NWD2: variants seen among roughly 807,000 people sequenced by gnomAD.
NWD2 encodes the protein NACHT and WD repeat domain-containing protein 2.
NWD2 carries 37 observed loss-of-function variants against 132.7 expected under a neutral mutation model. The ratio of observed to expected loss-of-function variants is 0.28; its 90% confidence interval spans 0.21 to 0.37. The LOEUF (loss-of-function observed/expected upper bound fraction) is 0.37. NWD2 is among the 10% of genes least tolerant of loss of function. NWD2 has a pLI of 1.00. For missense variants in NWD2, 1,592 were observed against 2,122.4 expected (o/e 0.75, Z 4.91); for synonymous variants, 705 against 803.0 (o/e 0.88, Z 2.06).
Position 37,297,353 on chromosome 4 carries a change from AT to A in NWD2, c.152-28577del, listed in dbSNP as rs1482312196. ...GTATTATTTGTATTATTTTTATTGT[AT>A]TTTTTCCCAAATATTTTCTATCTGT... On this transcript the variant is annotated intron_variant, in intron 1 of 6. Coordinates refer to ENST00000309447, the MANE Select transcript of NWD2 (RefSeq NM_001144990.2). Among the ~76,000 whole-genome samples, 4 of 152,116 alleles carry A rather than the reference AT, an allele frequency of 2.6e-5. No individual in the cohort carries two copies. In the East Asian group the frequency reaches 5.8e-4, roughly 22 times the overall value.
At chr4:37,364,069 C>T (rs948361854) in intron 3 of NWD2, among the ~76,000 whole-genome samples, 21 of 152,002 alleles carry the variant, frequency 1.4e-4, no homozygotes, top group African/African-American at 4.4e-4. Flanking sequence ...ATCCAGGAGG[C>T]GGAGGTTGCA....
intron 1 of NWD2, among the ~76,000 whole-genome samples, chr4:37,297,511 C>T (rs959457188): frequency 1.3e-5 from 2 of 152,060 alleles, no homozygotes; most frequent in Admixed American, 6.6e-5. Context: ...TATGTTCTTA[C>T]ATAAGTAAAA....
intron 3 of NWD2, among the ~76,000 whole-genome samples, chr4:37,381,662 A>G (rs566748716): frequency 1.3e-5 from 2 of 152,338 alleles, no homozygotes; most frequent in East Asian, 3.9e-4. Context: ...TCTAAAGTCA[A>G]TCTGTATTCT....
intron 2 of NWD2, among the ~76,000 whole-genome samples, chr4:37,346,343 G>A (rs78012521): frequency 0.011 from 1,737 of 152,166 alleles, 34 homozygotes; most frequent in African/African-American, 0.038. Flanking sequence ...ATTTATTTCT[G>A]GATTCTCTAT....
chr4:37,369,882 T>A (rs1404337080), intron 3 of NWD2, among the ~76,000 whole-genome samples: 1 of 152,176 alleles, frequency 6.6e-6, no homozygotes, highest in East Asian at 1.9e-4. Flanking sequence ...AGTTTGGAAA[T>A]ATGCACAGAT....
At chr4:37,414,273 A>G (rs1411484860) in intron 3 of NWD2, among the ~76,000 whole-genome samples, 2 of 152,154 alleles carry the variant, frequency 1.3e-5, no homozygotes, top group Admixed American at 6.5e-5. Flanking sequence ...AAATGTTGAT[A>G]GTTGGTAAAG....
chr4:37,287,388 C>T (rs1392281428), intron 1 of NWD2, among the ~76,000 whole-genome samples: 1 of 152,218 alleles, frequency 6.6e-6, no homozygotes, highest in African/African-American at 2.4e-5. Context: ...GCCTAACATA[C>T]TAAGCAACCT....
In NWD2 at chr4:37,309,377, G is replaced by C. The variant is rs957406139; in HGVS notation, c.152-16559G>C. 3.9e-5 allele frequency among the ~76,000 whole-genome samples: 6 copies of C among 152,028 alleles called. No homozygotes were observed. The South Asian group carries it at 1.2e-3, about 32-fold the overall frequency. ...GATATACTAGATCACCTGTTCCCTT[G>C]GGTACAGGCCACTGCATTGCCTCAG... On this transcript the variant is annotated intron_variant, in intron 1 of 6. Transcript: ENST00000309447.
intron 3 of NWD2, among the ~76,000 whole-genome samples, chr4:37,375,705 A>G (rs1167993337): frequency 4.0e-5 from 6 of 151,708 alleles, no homozygotes; most frequent in Admixed American, 3.9e-4. Context: ...AGTAGTTAGG[A>G]CTACAGGTCC....
intron 1 of NWD2, among the ~76,000 whole-genome samples, chr4:37,323,546 G>A (rs749837976): frequency 3.3e-5 from 5 of 152,044 alleles, no homozygotes; most frequent in African/African-American, 4.8e-5. Flanking sequence ...AACAACAGGC[G>A]CTGGCAAGGC....
chr4:37,446,277 A>G lies in NWD2; in HGVS notation c.4289A>G (p.His1430Arg). ...AGGGTTTGGAGGCTCGCCACAGGCCACAGGGTCTGCAACATTCTGACCACT... is the reference window on the plus strand; with the variant it reads ...AGGGTTTGGAGGCTCGCCACAGGCCGCAGGGTCTGCAACATTCTGACCACT... ...ASRVWRLATG[H>R]RVCNILTTLQ... is the part of the protein sequence containing the mutation. Residue 1430 changes from histidine to arginine, a missense_variant, in exon 7 of 7, where the codon CAC becomes CGC. By Grantham distance (29) the His-to-Arg change is conservative (BLOSUM62 0). This residue lies in a region of NWD2 where 24 missense variants were observed against 65.2 expected (regional missense o/e 0.37). Transcript: ENST00000309447. This position sits in a 1 kb window ranked among gnomAD's most constrained non-coding sequence, Gnocchi z 6.7. The G allele has an allele frequency of 6.4e-7, 1 of 1,551,738 alleles. No individual in the cohort carries two copies. The highest frequency in any genetic ancestry group is 1.2e-5 in the South Asian group (1 of 84,062).
chr4:37,253,470 A>T (rs17603467), intron 1 of NWD2, among the ~76,000 whole-genome samples: 1,697 of 152,250 alleles, frequency 0.011, 21 homozygotes, highest in East Asian at 0.079. Context: ...GTCCCAAGGG[A>T]TAGAAGTGAG....
intron 1 of NWD2, among the ~76,000 whole-genome samples, chr4:37,248,122 A>T (rs1173749688): frequency 6.6e-6 from 1 of 152,178 alleles, no homozygotes; most frequent in Non-Finnish European, 1.5e-5. Context: ...TAGGACCCTG[A>T]CAACACTTGA....
In NWD2 at chr4:37,434,006, G is replaced by T. The variant is rs558571981; in HGVS notation, c.692G>T (p.Arg231Met). ...AAAATGAAACACAGCCAGGCTAAGAGGTACCTGTTCTCAGGTAATTTTCCC... is the reference window on the plus strand; with the variant it reads ...AAAATGAAACACAGCCAGGCTAAGATGTACCTGTTCTCAGGTAATTTTCCC... ...KGKMKHSQAKRYLFSAIEDEF... is the reference protein window; with the variant it reads ...KGKMKHSQAKMYLFSAIEDEF... The change falls in exon 5 of 7, where the codon AGG becomes ATG. Residue 231 changes from arginine to methionine, a missense_variant. Arg to Met is a moderately conservative substitution (Grantham distance 91, BLOSUM62 -1). Around this residue, in one of 7 missense-constraint regions of NWD2, gnomAD observed 144 missense variants for 185.7 expected, o/e 0.78. Coordinates refer to ENST00000309447, the MANE Select transcript of NWD2 (RefSeq NM_001144990.2). 6.5e-7 allele frequency: 1 copy of T among 1,547,806 alleles called. No individual in the cohort carries two copies. The highest frequency in any genetic ancestry group is 1.4e-5 in the African/African-American group (1 of 73,002).
At chr4:37,301,979 C>A (rs1718620443) in intron 1 of NWD2, among the ~76,000 whole-genome samples, 2 of 151,960 alleles carry the variant, frequency 1.3e-5, no homozygotes, top group South Asian at 4.1e-4. Flanking sequence ...TTTGGGAAAT[C>A]CTCTCCTAAC....
chr4:37,244,900 G>A lies in NWD2; in HGVS notation c.-168G>A, dbSNP rs943205746. 1.3e-6 allele frequency: 1 copy of A among 794,200 alleles called. No individual in the cohort carries two copies. Among genetic ancestry groups the A allele is most frequent in the South Asian group, 1.9e-5 (1 of 52,630 alleles). The allele number at this position is 794,200 out of a possible 1,614,324, so 49.2% of individuals were successfully genotyped here. On this transcript the variant is annotated 5_prime_UTR_variant, in exon 1 of 7. The change creates a new upstream start codon in the 5' untranslated region. Transcript: ENST00000309447. The surrounding 1 kb of genome is among the most constrained non-coding windows in gnomAD (Gnocchi z 5.5). ...CCGTATGGCTTCTCCTCGCCGGCGGGTGCTGTGCGCCACGGAGCTCGCCAA... is the reference window on the plus strand; with the variant it reads ...CCGTATGGCTTCTCCTCGCCGGCGGATGCTGTGCGCCACGGAGCTCGCCAA...
chr4:37,403,358 T>C (rs1577692006), intron 3 of NWD2, among the ~76,000 whole-genome samples: 1 of 152,216 alleles, frequency 6.6e-6, no homozygotes, highest in South Asian at 2.1e-4. Context: ...GGTTTTTGAA[T>C]ACCTAGTTTA....
chr4:37,308,588 A>G (rs1384227430), intron 1 of NWD2, among the ~76,000 whole-genome samples: 2 of 152,058 alleles, frequency 1.3e-5, no homozygotes, highest in South Asian at 2.1e-4. Context: ...ACATAGCTCT[A>G]TTTCCCAGCT....
chr4:37,404,890 A>G (rs962233325), intron 3 of NWD2, among the ~76,000 whole-genome samples: 4 of 152,204 alleles, frequency 2.6e-5, no homozygotes, highest in Admixed American at 2.0e-4. Flanking sequence ...ACTCACTATC[A>G]TGACAGCAGC....
Sources: allele counts gnomAD v4.1 joint callset (sites outside exome capture counted in the v4.1 genomes callset), GRCh38; gene constraint gnomAD v4.1.1; regional missense constraint gnomAD v4.1.1; non-coding constraint Gnocchi (gnomAD v3.1); transcripts MANE v1.5; gene names NCBI Gene and HGNC (gene_info 2026-07-23, HGNC 2026-07-21).